The following PLCH1 variants were observed in gnomAD, a reference collection of about 807,000 sequenced individuals.
PLCH1 encodes the protein 1-phosphatidylinositol 4,5-bisphosphate phosphodiesterase eta-1.
In PLCH1, 60 loss-of-function variants were observed where a neutral mutation model predicts 126.7. The ratio of observed to expected loss-of-function variants is 0.47; its 90% CI spans 0.38 to 0.59. PLCH1 has a LOEUF of 0.59. Among genes scored for constraint, PLCH1 ranks in the 20% least tolerant of loss-of-function variants. The probability of loss-of-function intolerance (pLI) is 0.00; values close to 1 mark genes in which losing one functional copy is unlikely to be tolerated. For synonymous variants in PLCH1, 719 were observed against 734.9 expected, an observed-to-expected ratio of 0.98 and a Z score of 0.35; for missense variants, 1,723 against 2,040.0, an observed-to-expected ratio of 0.84 and a Z score of 2.99.
At chr3:155,460,688 C>A (rs1712677688) in intron 21 of PLCH1, among the ~76,000 whole-genome samples, 1 of 152,070 alleles carries the variant, frequency 6.6e-6, no homozygotes, top group African/African-American at 2.4e-5. Flanking sequence ...ATGGCAATTC[C>A]CATTGTATCC....
chr3:155,545,335 C>T (rs1374352348), intron 10 of PLCH1, among the ~76,000 whole-genome samples: 1 of 151,896 alleles, frequency 6.6e-6, no homozygotes, highest in African/African-American at 2.4e-5. Context: ...AAGACTAAAC[C>T]AGGAAGAAGT....
intron 21 of PLCH1, among the ~76,000 whole-genome samples, chr3:155,465,802 A>G (rs551089045): frequency 6.6e-6 from 1 of 152,246 alleles, no homozygotes; most frequent in African/African-American, 2.4e-5. Context: ...AAACTGACTT[A>G]AGAGACCCTT....
intron 1 of PLCH1, among the ~76,000 whole-genome samples, chr3:155,707,155 G>T (rs970944404): frequency 6.6e-6 from 1 of 152,122 alleles, no homozygotes; most frequent in South Asian, 2.1e-4. Context: ...CATCAAATCT[G>T]CCAATGCCTT....
intron 21 of PLCH1, among the ~76,000 whole-genome samples, chr3:155,470,072 T>C (rs1434459588): frequency 6.6e-6 from 1 of 152,140 alleles, no homozygotes; most frequent in Non-Finnish European, 1.5e-5. Context: ...CAAAGCTGGA[T>C]GGAGAATGAC....
intron 2 of PLCH1, among the ~76,000 whole-genome samples, chr3:155,698,545 A>G (rs1005090593): frequency 2.0e-5 from 3 of 152,242 alleles, no homozygotes; most frequent in African/African-American, 7.2e-5. Context: ...AAATTCTCCA[A>G]TTAGCCTGTG....
chr3:155,523,358 C>T (rs2108292272), intron 11 of PLCH1, among the ~76,000 whole-genome samples: 1 of 152,250 alleles, frequency 6.6e-6, no homozygotes, highest in South Asian at 2.1e-4. Context: ...CTATTCCATG[C>T]CACTTTATTG....
At chr3:155,700,434 T>G (rs905332334) in intron 2 of PLCH1, among the ~76,000 whole-genome samples, 1 of 152,214 alleles carries the variant, frequency 6.6e-6, no homozygotes, top group Admixed American at 6.5e-5. Flanking sequence ...CCCTAGATAG[T>G]AAAAGATACT....
At chr3:155,575,902 G>GC (rs1729879639) in intron 6 of PLCH1, among the ~76,000 whole-genome samples, 1 of 152,134 alleles carries the variant, frequency 6.6e-6, no homozygotes, top group South Asian at 2.1e-4. Flanking sequence ...CCTCCTGCCT[G>GC]CCCCCGTAGC....
rs114480514 is a variant in PLCH1, at chr3:155,702,065, C to T, written c.79+2081G>A. ...TCTTGAATGTAAGAAGTAACCAATT[C>T]ATATTTTAAGTGTTATACTGCCCCC... On this transcript the variant is annotated intron_variant, in intron 2 of 22. Transcript: ENST00000460012. 2.1e-3 allele frequency among the ~76,000 whole-genome samples: 312 copies of T among 152,184 alleles called. 3 individuals are homozygous for T. Among genetic ancestry groups the T allele is most frequent in the Non-Finnish European group, 2.0e-3 (134 of 68,000 alleles).
At chr3:155,541,340 T>C (rs1016120973) in intron 10 of PLCH1, among the ~76,000 whole-genome samples, 5 of 152,152 alleles carry the variant, frequency 3.3e-5, no homozygotes, top group Non-Finnish European at 7.4e-5. Flanking sequence ...CTAAAAAACT[T>C]ATCCATGTAA....
intron 11 of PLCH1, among the ~76,000 whole-genome samples, chr3:155,523,108 A>G (rs113953545): frequency 0.14 from 20,994 of 151,882 alleles, 2,849 homozygotes; most frequent in African/African-American, 0.36. Flanking sequence ...CGGAGTAGCT[A>G]GGACTACAGG....
Position 155,504,578 on chromosome 3 carries a change from T to C in PLCH1, c.1681A>G (p.Met561Val), listed in dbSNP as rs375773648. The C allele has an allele frequency of 1.4e-5, 22 of 1,606,382 alleles. No homozygotes were observed. Among genetic ancestry groups the C allele is most frequent in the Non-Finnish European group, 1.8e-5 (21 of 1,173,086 alleles). Residue 561 changes from methionine (M) to valine (V), a missense_variant, in exon 13 of 23, where the codon ATG becomes GTG. Physicochemically the swap from Met to Val is conservative, Grantham distance 21. This residue lies in a region of PLCH1 where 776 missense variants were observed against 1,062.9 expected (regional missense o/e 0.73). Transcript: ENST00000460012. ...ACCTTATGTTTTCCAAAGTTGGTCA[T>C]GAGGGATCGTCCATGTGATTTCTTT... Reference protein sequence around the residue: ...SGKKSHGRSLMTNFGKHKKTT... With the variant: ...SGKKSHGRSLVTNFGKHKKTT...
At chr3:155,610,388 AACC>A (rs1200250809) in intron 2 of PLCH1, among the ~76,000 whole-genome samples, 2 of 132,474 alleles carry the variant, frequency 1.5e-5, no homozygotes, top group East Asian at 3.3e-4. Context: ...AAAAAAAAAA[AACC>A]ATCACCTAGG....
chr3:155,480,868 T>C lies in PLCH1; in HGVS notation c.*100A>G. The C allele has an allele frequency of 9.6e-7, 1 of 1,043,888 alleles. No individual in the cohort carries two copies. The highest frequency in any genetic ancestry group is 1.4e-6 in the Non-Finnish European group (1 of 719,736). The allele number at this position is 1,043,888 out of a possible 1,614,324, so 64.7% of individuals were successfully genotyped here. Reference sequence around the variant, plus strand: ...GGAGACCCAAATACAAGTTTAAAAATACATTTGAAAATCATTCCAAAGCCA... The same window carrying C: ...GGAGACCCAAATACAAGTTTAAAAACACATTTGAAAATCATTCCAAAGCCA... On this transcript the variant is annotated 3_prime_UTR_variant, in exon 23 of 23. Coordinates refer to ENST00000460012, the MANE Select transcript of PLCH1 (RefSeq NM_014996.4).
At chr3:155,740,237 C>T (rs759402569) in intron 1 of PLCH1, among the ~76,000 whole-genome samples, 2 of 151,944 alleles carry the variant, frequency 1.3e-5, no homozygotes, top group Admixed American at 6.6e-5. Flanking sequence ...ATGGCAAAAC[C>T]CCATCTCTAC....
chr3:155,676,410 G>C (rs1046945664), intron 2 of PLCH1: 12 of 1,001,950 alleles, frequency 1.2e-5, no homozygotes, highest in Non-Finnish European at 1.4e-5. Flanking sequence ...AGCCCTCAAG[G>C]CATTATGCAC....
At chr3:155,613,876 C>T (rs535567652) in intron 2 of PLCH1, among the ~76,000 whole-genome samples, 7 of 152,086 alleles carry the variant, frequency 4.6e-5, no homozygotes, top group Admixed American at 2.0e-4. Context: ...TGTTCGCCAA[C>T]GATATTTTAT....
intron 2 of PLCH1, among the ~76,000 whole-genome samples, chr3:155,670,282 T>C (rs997744697): frequency 1.3e-5 from 2 of 152,224 alleles, no homozygotes; most frequent in Non-Finnish European, 2.9e-5. Context: ...TTTGATTTTA[T>C]TTCACCATCT....
At chr3:155,631,877 C>T (rs1048605874) in intron 2 of PLCH1, among the ~76,000 whole-genome samples, 2 of 150,016 alleles carry the variant, frequency 1.3e-5, no homozygotes, top group South Asian at 2.1e-4. Context: ...TCTTTCCCTA[C>T]GTGAACAAGT....
Sources: allele counts gnomAD v4.1 joint callset (sites outside exome capture counted in the v4.1 genomes callset), GRCh38; gene constraint gnomAD v4.1.1; regional missense constraint gnomAD v4.1.1; transcripts MANE v1.5; gene names NCBI Gene and HGNC (gene_info 2026-07-23, HGNC 2026-07-21).